Variants in NUDCD3 observed in about 807,000 individuals in gnomAD.
The protein encoded by NUDCD3 is NudC domain containing 3, also known as nudC domain-containing protein 3.
A neutral mutation model predicts 39.7 loss-of-function variants in NUDCD3; 13 were observed. That is an observed-to-expected ratio of 0.33 (90% CI 0.21 to 0.52). The LOEUF is 0.52. NUDCD3 is among the 20% of genes least tolerant of loss of function. The pLI, the probability that NUDCD3 is intolerant of heterozygous loss-of-function variation, is 0.96. For missense variants in NUDCD3, 453 were observed against 458.1 expected, an observed-to-expected ratio of 0.99 and a Z score of 0.10; for synonymous variants, 175 against 172.4, an observed-to-expected ratio of 1.02 and a Z score of -0.12.
intron 2 of NUDCD3, among the ~76,000 whole-genome samples, chr7:44,476,746 G>A (rs1484527726): frequency 1.3e-5 from 2 of 152,208 alleles, no homozygotes; most frequent in Admixed American, 6.5e-5. Context: ...ACCAGGAAGT[G>A]AGAAAGGCTG....
At chr7:44,451,929 T>G (rs1481671590) in intron 2 of NUDCD3, among the ~76,000 whole-genome samples, 1 of 152,032 alleles carries the variant, frequency 6.6e-6, no homozygotes, top group Non-Finnish European at 1.5e-5. Context: ...AATGATCTCA[T>G]GAATAAAATC....
intron 1 of NUDCD3, among the ~76,000 whole-genome samples, chr7:44,487,638 A>T (rs1296440944): frequency 1.3e-5 from 2 of 152,136 alleles, no homozygotes; most frequent in Admixed American, 6.5e-5. Flanking sequence ...CCTCCTGTCA[A>T]ATGAGCTTTT....
At chr7:44,433,736 A>C (rs1054438606) in intron 2 of NUDCD3, among the ~76,000 whole-genome samples, 32 of 152,104 alleles carry the variant, frequency 2.1e-4, no homozygotes, top group African/African-American at 7.2e-4. Context: ...CCACACCTGG[A>C]TGGCAGCCAT....
intron 2 of NUDCD3, among the ~76,000 whole-genome samples, chr7:44,471,278 GTTAA>G (rs1438306822): frequency 6.6e-6 from 1 of 152,124 alleles, no homozygotes; most frequent in Non-Finnish European, 1.5e-5. Flanking sequence ...CTTTATAATA[GTTAA>G]TACAATGAAA....
chr7:44,433,815 T>C (rs1799415897), intron 2 of NUDCD3, among the ~76,000 whole-genome samples: 1 of 152,002 alleles, frequency 6.6e-6, no homozygotes, highest in African/African-American at 2.4e-5. Flanking sequence ...CTCATATGGC[T>C]CCCCACGGCC....
chr7:44,467,827 A>AG (rs1800151713), intron 2 of NUDCD3: 2 of 1,151,412 alleles, frequency 1.7e-6, no homozygotes, highest in Admixed American at 2.2e-5. Flanking sequence ...TAAAAAAAAA[A>AG]AAAAGAAAAG....
At chr7:44,476,628 C>G (rs188112037) in intron 2 of NUDCD3, among the ~76,000 whole-genome samples, 63 of 152,244 alleles carry the variant, frequency 4.1e-4, no homozygotes, top group African/African-American at 1.4e-3. Flanking sequence ...GCCACCCAGG[C>G]TACAGTATTT....
In NUDCD3 at chr7:44,382,019, C is replaced by T. The variant is rs762286301; in HGVS notation, c.*3992G>A. 3.4e-4 allele frequency: 52 copies of T among 152,208 alleles called. No individual in the cohort carries two copies. The highest frequency in any genetic ancestry group is 5.9e-4 in the Non-Finnish European group (40 of 68,068). 9.4% of individuals were successfully genotyped at this position (152,208 alleles called of 1,614,324 possible). A position where few individuals can be genotyped will look rare whatever the true frequency, so the allele number is the denominator to read the frequency against. ...CGGGCCTGACCTCTCTTCCCTGGCA[C>T]GATGCTGTCTCCCTGTGCAAAGTGG... On this transcript the variant is annotated 3_prime_UTR_variant, in exon 6 of 6. Coordinates refer to ENST00000355451, the MANE Select transcript of NUDCD3 (RefSeq NM_015332.4).
At chr7:44,488,065 A>G (rs1210087411) in intron 1 of NUDCD3, among the ~76,000 whole-genome samples, 4 of 152,112 alleles carry the variant, frequency 2.6e-5, no homozygotes, top group African/African-American at 7.2e-5. Flanking sequence ...GGCCAGGCGC[A>G]GTGGCTCACA....
intron 2 of NUDCD3, among the ~76,000 whole-genome samples, chr7:44,438,391 T>C (rs1357416177): frequency 6.6e-6 from 1 of 152,140 alleles, no homozygotes; most frequent in Non-Finnish European, 1.5e-5. Context: ...TCAAAAAAGA[T>C]GCATACCAAT....
intron 2 of NUDCD3, among the ~76,000 whole-genome samples, chr7:44,461,181 T>C (rs1043825927): frequency 6.6e-6 from 1 of 152,204 alleles, no homozygotes; most frequent in Admixed American, 6.5e-5. Flanking sequence ...CCTGCACCCA[T>C]GAAGGCCAGC....
At chr7:44,464,674 G>A (rs540103370) in intron 2 of NUDCD3, among the ~76,000 whole-genome samples, 68 of 152,188 alleles carry the variant, frequency 4.5e-4, no homozygotes, top group African/African-American at 1.6e-3. Context: ...GGCTGGTCTC[G>A]AGCTCTTGGC....
At chr7:44,413,381 C>T (rs1798966083) in intron 3 of NUDCD3, 1 of 152,120 alleles carries the variant, frequency 6.6e-6, no homozygotes, top group Non-Finnish European at 1.5e-5. Context: ...TATAAATCAA[C>T]TCAAAAGGTT....
At chr7:44,426,516 G>T (rs1487894683) in intron 3 of NUDCD3, among the ~76,000 whole-genome samples, 2 of 152,228 alleles carry the variant, frequency 1.3e-5, no homozygotes, top group African/African-American at 4.8e-5. Flanking sequence ...AGCAAGGGAG[G>T]CCGGGCGCGG....
chr7:44,476,295 G>T (rs1426993075), intron 2 of NUDCD3, among the ~76,000 whole-genome samples: 1 of 152,214 alleles, frequency 6.6e-6, no homozygotes, highest in Non-Finnish European at 1.5e-5. Context: ...GTCATGATAG[G>T]TGTGTGAGTG....
At chr7:44,461,197 C>T (rs1358111912) in intron 2 of NUDCD3, among the ~76,000 whole-genome samples, 1 of 152,240 alleles carries the variant, frequency 6.6e-6, no homozygotes, top group East Asian at 1.9e-4. Context: ...CCAGCACAGG[C>T]ATCACCTTCT....
intron 2 of NUDCD3, among the ~76,000 whole-genome samples, chr7:44,451,843 G>GATAAA (rs1215345218): frequency 6.6e-6 from 1 of 152,158 alleles, no homozygotes; most frequent in Non-Finnish European, 1.5e-5. Context: ...AAGAGGAAAG[G>GATAAA]AAGCCAGAGT....
intron 2 of NUDCD3, among the ~76,000 whole-genome samples, chr7:44,430,925 G>A (rs1389423394): frequency 6.6e-6 from 1 of 152,140 alleles, no homozygotes; most frequent in South Asian, 2.1e-4. Context: ...CACAGAACCT[G>A]CCTAACCCCA....
At chr7:44,454,656 G>C (rs1270868674) in intron 2 of NUDCD3, among the ~76,000 whole-genome samples, 2 of 152,198 alleles carry the variant, frequency 1.3e-5, no homozygotes, top group African/African-American at 4.8e-5. Context: ...GCTGGGCACA[G>C]TGGCTCATGC....
Sources: gnomAD v4.1 joint callset for allele counts (sites outside exome capture counted in the v4.1 genomes callset) on GRCh38, gnomAD v4.1.1 for gene constraint, MANE v1.5 for transcripts, NCBI Gene and HGNC (gene_info 2026-07-23, HGNC 2026-07-21) for gene names.